Variants in GRID2 observed in about 807,000 individuals in gnomAD.
GRID2 encodes glutamate receptor ionotropic, delta-2.
Under a neutral mutation model 114.8 loss-of-function variants are expected in GRID2, and 33 were observed. The ratio of observed to expected loss-of-function variants is 0.29; its 90% CI spans 0.22 to 0.38. The LOEUF (loss-of-function observed/expected upper bound fraction) is 0.38, where lower values mean the gene tolerates loss of function less well. Ranked by LOEUF, GRID2 falls within the 10% of genes least tolerant of loss-of-function variation. The pLI is 1.00. For missense variants in GRID2, 1,184 were observed against 1,257.7 expected, an observed-to-expected ratio of 0.94 and a Z score of 0.89; for synonymous variants, 505 against 449.9, an observed-to-expected ratio of 1.12 and a Z score of -1.55.
In GRID2 at chr4:92,494,335, T is replaced by A. The variant is rs149609314; in HGVS notation, c.89-95796T>A. On this transcript the variant is annotated intron_variant, in intron 1 of 15. Transcript: ENST00000282020. ...AATTACTAAAAAATTTTCAGGAAAA[T>A]TTTTTAGTAATACACTTTTACATGT... Among the ~76,000 whole-genome samples, 140 of 151,976 alleles carry A rather than the reference T, an allele frequency of 9.2e-4. 1 individual carries two copies. The East Asian group carries it at 0.026, about 29-fold the overall frequency.
chr4:93,713,449 A>ATTTG (rs143772581), intron 14 of GRID2, among the ~76,000 whole-genome samples: 6,372 of 151,928 alleles, frequency 0.042, 214 homozygotes, highest in African/African-American at 0.084. Context: ...TTATTTATTT[A>ATTTG]TTTATTTATG....
At chr4:92,602,419 A>G (rs1729261005) in intron 2 of GRID2, among the ~76,000 whole-genome samples, 1 of 152,092 alleles carries the variant, frequency 6.6e-6, no homozygotes, top group Admixed American at 6.6e-5. Context: ...CAATAAACAT[A>G]ATTCATTACA....
At chr4:93,086,975 AT>A (rs1730378464) in intron 3 of GRID2, among the ~76,000 whole-genome samples, 1 of 152,052 alleles carries the variant, frequency 6.6e-6, no homozygotes, top group African/African-American at 2.4e-5. Context: ...CAGTAACTTT[AT>A]TTAAGCGGGG....
chr4:92,572,053 T>C (rs1384276675), intron 1 of GRID2, among the ~76,000 whole-genome samples: 4 of 151,666 alleles, frequency 2.6e-5, no homozygotes, highest in African/African-American at 9.7e-5. Flanking sequence ...CTGAAGGAAA[T>C]AGAGACACAA....
rs572126969 is a variant in GRID2 at position 92,956,954 on chromosome 4, T to G, written c.245-128041T>G. On this transcript the variant is annotated intron_variant, in intron 2 of 15. Coordinates refer to ENST00000282020, the MANE Select transcript of GRID2 (RefSeq NM_001510.4). ...TATGTGCTTGTTTGCCATCTGTATA[T>G]CTTCTTTGGTGAGGTATCTTTTAAT... Among the ~76,000 whole-genome samples the G allele has an allele frequency of 2.5e-4, 38 of 152,322 alleles. 1 individual carries two copies. In the South Asian group the frequency reaches 6.0e-3, roughly 24 times the overall value.
At chr4:92,903,265 A>G (rs935821374) in intron 2 of GRID2, among the ~76,000 whole-genome samples, 1 of 151,850 alleles carries the variant, frequency 6.6e-6, no homozygotes. Flanking sequence ...AACATTTTAA[A>G]TGAATAAAAT....
At chr4:92,661,608 G>T (rs1340518608) in intron 2 of GRID2, among the ~76,000 whole-genome samples, 1 of 150,664 alleles carries the variant, frequency 6.6e-6, no homozygotes, top group African/African-American at 2.4e-5. Context: ...ATATATATTT[G>T]CTCCTTCAAT....
chr4:93,170,307 C>T (rs1243033716), intron 4 of GRID2, among the ~76,000 whole-genome samples: 13 of 152,240 alleles, frequency 8.5e-5, no homozygotes, highest in Admixed American at 2.6e-4. Context: ...TAGTCTTAAA[C>T]TCCTGGGCTC....
At position 93,251,317 on chromosome 4, in the gene GRID2, TTCTC is replaced by T. The variant is rs537425065; in HGVS notation, c.1245+12831_1245+12834del. On this transcript the variant is annotated intron_variant, in intron 8 of 15. Transcript: ENST00000282020. ...TCTCTAGCACTAGCACTCTGATTAT[TTCTC>T]TCTAATATAACCTCACATGCACAAA... Among the ~76,000 whole-genome samples the T allele has an allele frequency of 7.2e-5, 11 of 152,288 alleles. No individual in the cohort carries two copies. The South Asian group carries it at 1.5e-3, about 20-fold the overall frequency.
intron 2 of GRID2, among the ~76,000 whole-genome samples, chr4:92,821,613 A>C: frequency 6.6e-6 from 1 of 152,318 alleles, no homozygotes; most frequent in Admixed American, 6.5e-5. Flanking sequence ...TCATTAATGT[A>C]ATACAAGAAA....
chr4:93,772,755 A>T lies in GRID2; in HGVS notation c.*257A>T, dbSNP rs1205272916. 4 of 461,420 alleles carry T rather than the reference A, an allele frequency of 8.7e-6. No homozygotes were observed. The highest frequency in any genetic ancestry group is 4.0e-5 in the African/African-American group (2 of 50,602). The allele number at this position is 461,420 out of a possible 1,614,324, so 28.6% of individuals were successfully genotyped here. ...TTCCCCAAGAAGGTAGTGTACTAGG[A>T]TCCTATTAGTCTGCTTTTCATATAC... On this transcript the variant is annotated 3_prime_UTR_variant, in exon 16 of 16. Transcript: ENST00000282020.
intron 2 of GRID2, among the ~76,000 whole-genome samples, chr4:92,941,313 A>G (rs1258059077): frequency 3.3e-5 from 5 of 152,174 alleles, no homozygotes; most frequent in South Asian, 2.1e-4. Context: ...GTATGTGTCA[A>G]GGAATTTATC....
intron 1 of GRID2, among the ~76,000 whole-genome samples, chr4:92,584,421 G>T (rs1041361300): frequency 3.3e-5 from 5 of 151,912 alleles, no homozygotes; most frequent in African/African-American, 1.2e-4. Context: ...AAACAGAAAG[G>T]ATATATGATG....
intron 2 of GRID2, among the ~76,000 whole-genome samples, chr4:92,648,855 ATTAAG>A (rs1731772957): frequency 6.8e-6 from 1 of 147,776 alleles, no homozygotes; most frequent in Non-Finnish European, 1.5e-5. Context: ...AAAGATAAAA[ATTAAG>A]TTGTCAAATT....
chr4:92,791,420 G>T (rs1297356935), intron 2 of GRID2, among the ~76,000 whole-genome samples: 1 of 151,672 alleles, frequency 6.6e-6, no homozygotes, highest in Admixed American at 6.6e-5. Flanking sequence ...TACACAATCT[G>T]CACATAAAAA....
At chr4:92,331,484 T>C (rs1042240519) in intron 1 of GRID2, among the ~76,000 whole-genome samples, 8 of 152,168 alleles carry the variant, frequency 5.3e-5, no homozygotes, top group Non-Finnish European at 8.8e-5. Flanking sequence ...GCTTTTCTTT[T>C]ATTGAGGGTA....
At chr4:93,709,060 T>C (rs1422818043) in intron 14 of GRID2, among the ~76,000 whole-genome samples, 1 of 152,004 alleles carries the variant, frequency 6.6e-6, no homozygotes, top group Non-Finnish European at 1.5e-5. Flanking sequence ...TCTTGAAAAG[T>C]TGTTGTAGTT....
intron 2 of GRID2, among the ~76,000 whole-genome samples, chr4:92,626,610 G>A (rs1301920555): frequency 6.6e-6 from 1 of 152,026 alleles, no homozygotes; most frequent in Non-Finnish European, 1.5e-5. Context: ...TATTTGTATA[G>A]TGCAGAGGAA....
intron 14 of GRID2, among the ~76,000 whole-genome samples, chr4:93,674,379 T>A (rs1560888532): frequency 6.6e-6 from 1 of 152,204 alleles, no homozygotes; most frequent in Non-Finnish European, 1.5e-5. Flanking sequence ...AGCTGTCAGG[T>A]ACAATGCTGT....
Sources: gnomAD v4.1 joint callset for allele counts (sites outside exome capture counted in the v4.1 genomes callset) on GRCh38, gnomAD v4.1.1 for gene constraint, MANE v1.5 for transcripts, NCBI Gene and HGNC (gene_info 2026-07-23, HGNC 2026-07-21) for gene names.